Variants in SLC13A4 observed in about 807,000 individuals in gnomAD.
SLC13A4 encodes solute carrier family 13 member 4.
A neutral mutation model predicts 72.7 loss-of-function variants in SLC13A4; 28 were observed. The ratio of observed to expected loss-of-function variants is 0.39; its 90% CI spans 0.29 to 0.53. The LOEUF is 0.53. Among genes scored for constraint, SLC13A4 ranks in the 20% least tolerant of loss-of-function variants. SLC13A4 has a pLI of 0.78. For missense variants in SLC13A4, 653 were observed against 788.0 expected (o/e 0.83, Z 2.05); for synonymous variants, 312 against 325.5 (o/e 0.96, Z 0.45).
At chr7:135,721,350 C>G in intron 2 of SLC13A4, 45 bp downstream of exon 2, 1 of 1,609,348 alleles carries the variant, frequency 6.2e-7, no homozygotes, top group East Asian at 2.2e-5. Context: ...CTTTCAGGGG[C>G]CCTGCAGGGA....
At chr7:135,707,978 G>C in intron 3 of SLC13A4, 136 bp downstream of exon 3, 2 of 1,056,770 alleles carry the variant, frequency 1.9e-6, no homozygotes, top group Non-Finnish European at 2.8e-6. Flanking sequence ...GGGTCCTATG[G>C]CTCTGGTGTC....
chr7:135,712,636 G>C (rs577095123), intron 2 of SLC13A4, among the ~76,000 whole-genome samples: 1 of 152,122 alleles, frequency 6.6e-6, no homozygotes, highest in Non-Finnish European at 1.5e-5. Flanking sequence ...GCTGGTTTGA[G>C]GCCATTAGCA....
chr7:135,683,552 C>T (rs1795554523), intron 15 of SLC13A4: 1 of 985,106 alleles, frequency 1.0e-6, no homozygotes. Context: ...GTAGATAGGC[C>T]CAGTGCTAAA....
At chr7:135,698,381 C>G (rs1050013515) in intron 8 of SLC13A4, among the ~76,000 whole-genome samples, 1 of 130,512 alleles carries the variant, frequency 7.7e-6, no homozygotes, top group East Asian at 2.3e-4. Flanking sequence ...GTTGCCCAGG[C>G]TGGAGTGCAG....
intron 2 of SLC13A4, among the ~76,000 whole-genome samples, chr7:135,718,090 C>CGT (rs1563170534): frequency 8.6e-5 from 13 of 150,686 alleles, no homozygotes; most frequent in African/African-American, 2.0e-4. Flanking sequence ...CACACACACG[C>CGT]GCGCGCGCGC....
At chr7:135,691,453 G>GC in intron 12 of SLC13A4, 95 bp downstream of exon 12, 2 of 540,538 alleles carry the variant, frequency 3.7e-6, no homozygotes, top group Non-Finnish European at 7.3e-6. Flanking sequence ...AGGGGGGTGG[G>GC]AATCTGAAGG....
chr7:135,724,605 A>G (rs1011948171), intron 1 of SLC13A4, among the ~76,000 whole-genome samples: 1 of 152,198 alleles, frequency 6.6e-6, no homozygotes, highest in African/African-American at 2.4e-5. Flanking sequence ...TGTGGGTAAA[A>G]TAAAGCAAAC....
At chr7:135,683,343 A>G (rs1328140101) in intron 15 of SLC13A4, 1 of 967,224 alleles carries the variant, frequency 1.0e-6, no homozygotes, top group African/African-American at 1.8e-5. Flanking sequence ...AAGGACCTGA[A>G]TATCTGCCAC....
intron 13 of SLC13A4, chr7:135,689,053 CTT>C (rs1003244454): frequency 4.0e-5 from 6 of 151,660 alleles, no homozygotes; most frequent in Admixed American, 2.0e-4. Context: ...ACTGGGCTAA[CTT>C]TTGTTTTTGT....
chr7:135,714,191 TA>T (rs1318740184), intron 2 of SLC13A4, among the ~76,000 whole-genome samples: 4 of 152,198 alleles, frequency 2.6e-5, no homozygotes, highest in African/African-American at 4.8e-5. Context: ...TTTCATTGCT[TA>T]AAAAAACATT....
At chr7:135,704,716 G>A (rs1368423572) in intron 5 of SLC13A4, 1 of 152,182 alleles carries the variant, frequency 6.6e-6, no homozygotes, top group Non-Finnish European at 1.5e-5. Context: ...TACCTGAAAG[G>A]AACCAGGAGA....
chr7:135,703,056 G>A, intron 5 of SLC13A4, 172 bp from the exon 6 acceptor site: 1 of 600,362 alleles, frequency 1.7e-6, no homozygotes, highest in South Asian at 2.0e-5. Flanking sequence ...CTGAGATGCT[G>A]TAAGGATTAG....
chr7:135,697,315 C>T (rs1246285310), intron 8 of SLC13A4, among the ~76,000 whole-genome samples: 1 of 152,242 alleles, frequency 6.6e-6, no homozygotes, highest in African/African-American at 2.4e-5. Context: ...GCCTCTATGC[C>T]ACTTTTTCCA....
chr7:135,721,091 G>A (rs188314979), intron 2 of SLC13A4, among the ~76,000 whole-genome samples: 2 of 152,252 alleles, frequency 1.3e-5, no homozygotes, highest in Admixed American at 1.3e-4. Context: ...TGAGTTTTAG[G>A]CATCAATCAC....
chr7:135,695,465 C>T lies in SLC13A4; in HGVS notation c.922G>A (p.Val308Met), dbSNP rs767210596. Reference protein sequence around the residue: ...FNNQYPAAEVVNFGTWFLFSF... With the variant: ...FNNQYPAAEVMNFGTWFLFSF... ...AAGAGGAACCAGGTGCCAAAGTTCA[C>T]CACCTCTGCGGCTGGATACTGGCTG... Residue 308 changes from valine (V) to methionine (M), a missense_variant, in exon 9 of 16, where the codon GTG becomes ATG. Physicochemically the swap from Val to Met is conservative, Grantham distance 21. Transcript: ENST00000682651. The T allele has an allele frequency of 1.2e-6, 2 of 1,614,000 alleles. No individual in the cohort carries two copies. Among genetic ancestry groups the T allele is most frequent in the Non-Finnish European group, 1.7e-6 (2 of 1,180,006 alleles).
chr7:135,720,281 A>T (rs1465182250), intron 2 of SLC13A4, among the ~76,000 whole-genome samples: 1 of 152,146 alleles, frequency 6.6e-6, no homozygotes, highest in Non-Finnish European at 1.5e-5. Context: ...AAGTGTATAC[A>T]CTTTGAATTC....
intron 3 of SLC13A4, 52 bp from the exon 4 acceptor site, chr7:135,706,352 C>A: frequency 6.5e-7 from 1 of 1,532,802 alleles, no homozygotes; most frequent in South Asian, 1.2e-5. Flanking sequence ...CACATCCCTG[C>A]GGCTCCACAG....
At chr7:135,715,524 A>C (rs1300623852) in intron 2 of SLC13A4, among the ~76,000 whole-genome samples, 1 of 136,002 alleles carries the variant, frequency 7.4e-6, no homozygotes, top group Non-Finnish European at 1.6e-5. Context: ...TGAGTGTGTG[A>C]GTGTGTGCCA....
intron 2 of SLC13A4, among the ~76,000 whole-genome samples, chr7:135,712,806 C>T (rs1304717265): frequency 6.6e-6 from 1 of 152,232 alleles, no homozygotes; most frequent in Admixed American, 6.5e-5. Context: ...CCAGGGAACA[C>T]CAGACTTCCA....
Sources: allele counts gnomAD v4.1 joint callset (sites outside exome capture counted in the v4.1 genomes callset), GRCh38; gene constraint gnomAD v4.1.1; transcripts MANE v1.5; gene names NCBI Gene and HGNC (gene_info 2026-07-23, HGNC 2026-07-21).